The following ULK4 variants were observed in gnomAD, a reference collection of about 807,000 sequenced individuals.
The protein encoded by ULK4 is inactive serine/threonine-protein kinase ULK4.
A neutral mutation model predicts 160.6 loss-of-function variants in ULK4; 133 were observed. The observed-to-expected ratio is 0.83, with a 90% CI of 0.72 to 0.96. The LOEUF (loss-of-function observed/expected upper bound fraction) is 0.96. ULK4 is among the 40% of genes least tolerant of loss of function. The pLI, the probability that ULK4 is intolerant of heterozygous loss-of-function variation, is 0.00. For missense variants in ULK4, 1,580 were observed against 1,499.5 expected, an observed-to-expected ratio of 1.05 and a Z score of -0.89; for synonymous variants, 534 against 539.8, an observed-to-expected ratio of 0.99 and a Z score of 0.15.
chr3:41,819,395 T>A lies in ULK4; in HGVS notation c.1848+28A>T, dbSNP rs372610719. 5.2e-5 allele frequency: 84 copies of A among 1,603,188 alleles called. 1 individual carries two copies. In the African/African-American group the frequency reaches 1.0e-3, roughly 20 times the overall value. On this transcript the variant is annotated intron_variant, in intron 19 of 36. Coordinates refer to ENST00000301831, the MANE Select transcript of ULK4 (RefSeq NM_017886.4). ...TGAAGGGTTATTACAATTGCCAGCA[T>A]CTACAGAGGACAACAAAGGAGCCTT...
At position 41,705,263 on chromosome 3, in the gene ULK4, C is replaced by T. The variant is rs2036834091; in HGVS notation, c.2677G>A (p.Gly893Arg). 6.2e-7 allele frequency: 1 copy of T among 1,613,040 alleles called. No individual in the cohort carries two copies. The highest frequency in any genetic ancestry group is 1.1e-5 in the South Asian group (1 of 90,810). ...SVDSGETNID[G>R]AIGLTASEEF... is the part of the protein sequence containing the mutation. ...TCCAGGGTCTACTCACCTATGGCTC[C>T]ATCTATGTTCGTTTCTCCTGAGTCT... Residue 893 changes from glycine to arginine, a missense_variant, in exon 26 of 37, where the codon GGA becomes AGA. Transcript: ENST00000301831.
At chr3:41,881,943 C>A (rs1183627324) in intron 17 of ULK4, among the ~76,000 whole-genome samples, 2 of 152,116 alleles carry the variant, frequency 1.3e-5, no homozygotes, top group African/African-American at 4.8e-5. Context: ...GAACAGGTAA[C>A]AAATATGGTT....
At chr3:41,781,604 A>G (rs970588163) in intron 21 of ULK4, among the ~76,000 whole-genome samples, 6 of 152,196 alleles carry the variant, frequency 3.9e-5, no homozygotes, top group African/African-American at 1.4e-4. Flanking sequence ...ATTCAGAGGA[A>G]GAAGGAATGT....
At position 41,604,509 on chromosome 3, in the gene ULK4, CA is replaced by C. The variant is rs1311076019; in HGVS notation, c.3120+11159del. Among the ~76,000 whole-genome samples the C allele has an allele frequency of 2.0e-5, 3 of 151,802 alleles. No homozygotes were observed. The East Asian group carries it at 5.8e-4, about 29-fold the overall frequency. The stretch of plus-strand genomic sequence containing the variant: ...CAGAATTAGAAATGAATGAAAGGAC[CA>C]AAAGATACATAACATTCATGAGTCA... On this transcript the variant is annotated intron_variant, in intron 31 of 36. Coordinates refer to ENST00000301831, the MANE Select transcript of ULK4 (RefSeq NM_017886.4).
chr3:41,644,990 T>C (rs1350694488), intron 30 of ULK4, among the ~76,000 whole-genome samples: 1 of 151,650 alleles, frequency 6.6e-6, no homozygotes, highest in African/African-American at 2.4e-5. Flanking sequence ...TAGAGGTGTT[T>C]GTAGTATTCT....
At chr3:41,533,595 C>T (rs2086396203) in intron 32 of ULK4, among the ~76,000 whole-genome samples, 1 of 152,154 alleles carries the variant, frequency 6.6e-6, no homozygotes, top group African/African-American at 2.4e-5. Flanking sequence ...TTATCAACAC[C>T]AGTTATGGCC....
intron 18 of ULK4, among the ~76,000 whole-genome samples, chr3:41,822,087 A>G (rs775557991): frequency 1.8e-4 from 28 of 152,142 alleles, no homozygotes; most frequent in Non-Finnish European, 3.5e-4. Flanking sequence ...TCTTTTTGGC[A>G]TGCAAATCAG....
chr3:41,558,893 C>T (rs9855660), intron 32 of ULK4, among the ~76,000 whole-genome samples: 149,444 of 149,820 alleles, frequency 1, 74,539 homozygotes, highest in Middle Eastern at 1. Flanking sequence ...TATTTTATTA[C>T]ACTTTAAGTT....
At chr3:41,736,027 T>C (rs1307946775) in intron 22 of ULK4, among the ~76,000 whole-genome samples, 1 of 151,818 alleles carries the variant, frequency 6.6e-6, no homozygotes, top group Non-Finnish European at 1.5e-5. Flanking sequence ...GAACTCATCA[T>C]TTTTTATGGC....
At chr3:41,822,665 C>T (rs908337388) in intron 18 of ULK4, among the ~76,000 whole-genome samples, 3 of 150,892 alleles carry the variant, frequency 2.0e-5, no homozygotes, top group South Asian at 4.2e-4. Context: ...GTGATCCACC[C>T]GCCTCAGCCT....
At chr3:41,382,427 T>C (rs2081678350) in intron 35 of ULK4, among the ~76,000 whole-genome samples, 1 of 152,176 alleles carries the variant, frequency 6.6e-6, no homozygotes, top group South Asian at 2.1e-4. Context: ...AAAGACAAAA[T>C]AAATTCACTT....
rs1299475192 is a variant in ULK4, at chr3:41,774,878, G to T, written c.2193+14783C>A. ...GAAAATGTGGCACATATACACCATG[G>T]AATACTATGCAGCCATAAAAATAAT... On this transcript the variant is annotated intron_variant, in intron 21 of 36. Coordinates refer to ENST00000301831, the MANE Select transcript of ULK4 (RefSeq NM_017886.4). Among the ~76,000 whole-genome samples the T allele has an allele frequency of 4.7e-5, 7 of 150,454 alleles. 1 individual carries two copies. Among genetic ancestry groups the T allele is most frequent in the African/African-American group, 1.8e-4 (7 of 39,874 alleles).
intron 30 of ULK4, among the ~76,000 whole-genome samples, chr3:41,616,240 A>G (rs1219428413): frequency 1.3e-5 from 2 of 152,200 alleles, no homozygotes; most frequent in East Asian, 1.9e-4. Context: ...ATTGTCATCA[A>G]TTGTAATAGA....
intron 21 of ULK4, among the ~76,000 whole-genome samples, chr3:41,784,448 T>G (rs2039944020): frequency 6.6e-6 from 1 of 152,118 alleles, no homozygotes; most frequent in Admixed American, 6.6e-5. Flanking sequence ...AAAAGTTTCC[T>G]ATTAAGTGTT....
At chr3:41,800,425 G>T in intron 19 of ULK4, 132 bp from the exon 20 acceptor site, 1 of 764,534 alleles carries the variant, frequency 1.3e-6, no homozygotes, top group Non-Finnish European at 2.1e-6. Context: ...AACTTGGGAG[G>T]AATGATAACT....
At chr3:41,826,447 T>C (rs1226646463) in intron 18 of ULK4, among the ~76,000 whole-genome samples, 2 of 102,178 alleles carry the variant, frequency 2.0e-5, no homozygotes, top group Non-Finnish European at 4.2e-5. Flanking sequence ...AAGCTCAAAA[T>C]AAAGGGATGG....
intron 16 of ULK4, among the ~76,000 whole-genome samples, chr3:41,890,497 T>C (rs1051361976): frequency 1.3e-5 from 2 of 151,650 alleles, no homozygotes; most frequent in African/African-American, 4.9e-5. Flanking sequence ...CTGGCCAACA[T>C]GGTGAAAACC....
intron 20 of ULK4, among the ~76,000 whole-genome samples, chr3:41,799,652 A>G (rs2040398116): frequency 6.6e-6 from 1 of 152,182 alleles, no homozygotes; most frequent in South Asian, 2.1e-4. Flanking sequence ...GCTTGAGGCC[A>G]GGAGTTCAAG....
chr3:41,525,879 C>A (rs1384200920), intron 32 of ULK4, among the ~76,000 whole-genome samples: 1 of 152,188 alleles, frequency 6.6e-6, no homozygotes, highest in Non-Finnish European at 1.5e-5. Context: ...TCTCTATGCA[C>A]AGTTTAAATC....
Sources: allele counts gnomAD v4.1 joint callset (sites outside exome capture counted in the v4.1 genomes callset), GRCh38; gene constraint gnomAD v4.1.1; transcripts MANE v1.5; gene names NCBI Gene and HGNC (gene_info 2026-07-23, HGNC 2026-07-21).